The following TPST1 variants were observed in gnomAD, a reference collection of about 807,000 sequenced individuals.
TPST1 encodes the protein tyrosylprotein sulfotransferase 1, also known as protein-tyrosine sulfotransferase 1.
A neutral mutation model predicts 34.8 loss-of-function variants in TPST1; 20 were observed. That is an observed-to-expected ratio of 0.57 (90% CI 0.40 to 0.84). The LOEUF (loss-of-function observed/expected upper bound fraction) is 0.84, where lower values mean the gene tolerates loss of function less well. Among genes scored for constraint, TPST1 ranks in the 40% least tolerant of loss-of-function variants. The pLI is 0.00. For synonymous variants in TPST1, 152 were observed against 159.4 expected, an observed-to-expected ratio of 0.95 and a Z score of 0.35; for missense variants, 353 against 455.5, an observed-to-expected ratio of 0.78 and a Z score of 2.05.
At chr7:66,204,752 C>A (rs190018939), upstream of TPST1, among the ~76,000 whole-genome samples, 246 of 152,366 alleles carry the variant, frequency 1.6e-3, no homozygotes, top group African/African-American at 5.7e-3. Context: ...GTCAGCCCCC[C>A]ACCTCTGTGG....
At chr7:66,252,288 G>C (rs1178810024) in intron 2 of TPST1, among the ~76,000 whole-genome samples, 1 of 150,652 alleles carries the variant, frequency 6.6e-6, no homozygotes, top group African/African-American at 2.4e-5. Flanking sequence ...TCGATCTCCT[G>C]ACCTCGTGAT....
chr7:66,242,212 TTTG>T (rs577655568), intron 2 of TPST1, among the ~76,000 whole-genome samples: 146 of 152,224 alleles, frequency 9.6e-4, no homozygotes, highest in African/African-American at 3.3e-3. Context: ...AAATTTTATT[TTTG>T]TTTTTTTTCT....
the TPST1 span, among the ~76,000 whole-genome samples, chr7:66,199,528 C>T: frequency 6.6e-6 from 1 of 151,920 alleles, no homozygotes; most frequent in Non-Finnish European, 1.5e-5. Context: ...CTTCTGACCT[C>T]AAGTGATCTG....
intron 3 of TPST1, among the ~76,000 whole-genome samples, chr7:66,330,258 G>C (rs1177003686): frequency 6.6e-6 from 1 of 152,078 alleles, no homozygotes; most frequent in Non-Finnish European, 1.5e-5. Flanking sequence ...TAATCACCAG[G>C]GTCCTCATAA....
At chr7:66,358,938 T>C (rs1792635831) in intron 5 of TPST1, 1 of 152,270 alleles carries the variant, frequency 6.6e-6, no homozygotes. Context: ...GGCCAACCTG[T>C]GCTGAGGAGG....
chr7:66,283,990 T>C (rs1790982753), intron 2 of TPST1, among the ~76,000 whole-genome samples: 1 of 152,216 alleles, frequency 6.6e-6, no homozygotes, highest in Non-Finnish European at 1.5e-5. Flanking sequence ...ATATATAAAA[T>C]GTCATTTCTG....
intron 3 of TPST1, among the ~76,000 whole-genome samples, chr7:66,309,952 C>T (rs76297913): frequency 2.0e-3 from 305 of 151,970 alleles, no homozygotes; most frequent in African/African-American, 7.1e-3. Context: ...ACTTTTGTAC[C>T]ACCCTGAGAT....
intron 2 of TPST1, among the ~76,000 whole-genome samples, chr7:66,269,037 A>G (rs1790646835): frequency 6.6e-6 from 1 of 152,236 alleles, no homozygotes; most frequent in Non-Finnish European, 1.5e-5. Flanking sequence ...TACATTTGTA[A>G]TACATTTGAA....
intron 3 of TPST1, among the ~76,000 whole-genome samples, chr7:66,323,363 G>A (rs1364603187): frequency 3.3e-5 from 5 of 150,630 alleles, no homozygotes; most frequent in Admixed American, 6.6e-5. Context: ...TTAAATAAAC[G>A]TCCTTTATCA....
intron 3 of TPST1, among the ~76,000 whole-genome samples, chr7:66,349,960 G>A (rs1342689124): frequency 6.6e-6 from 1 of 152,186 alleles, no homozygotes; most frequent in African/African-American, 2.4e-5. Context: ...CCAGGGCTTA[G>A]ACACTTCCCA....
Position 66,352,976 on chromosome 7 carries a change from TTATA to T in TPST1, c.1095+426_1095+429del, listed in dbSNP as rs536773447. On this transcript the variant is annotated intron_variant, in intron 4 of 5. Coordinates refer to ENST00000304842, the MANE Select transcript of TPST1 (RefSeq NM_003596.4). The stretch of plus-strand genomic sequence containing the variant: ...TTTTCTCATTTGGAGCCCAGATGAC[TTATA>T]TATACACATAGTCACTGGCCCCTGG... 4.8e-4 allele frequency: 473 copies of T among 985,366 alleles called. 3 individuals are homozygous for T. The African/African-American group carries it at 7.9e-3, about 17-fold the overall frequency. The allele number at this position is 985,366 out of a possible 1,614,324, so 61.0% of individuals were successfully genotyped here.
At chr7:66,324,211 A>G (rs1791815376) in intron 3 of TPST1, among the ~76,000 whole-genome samples, 1 of 152,204 alleles carries the variant, frequency 6.6e-6, no homozygotes, top group Admixed American at 6.5e-5. Flanking sequence ...CAATTCATAG[A>G]GATAGAAAGT....
At chr7:66,349,320 C>T (rs921241415) in intron 3 of TPST1, among the ~76,000 whole-genome samples, 3 of 152,214 alleles carry the variant, frequency 2.0e-5, no homozygotes, top group African/African-American at 7.2e-5. Flanking sequence ...ACCTGTAATG[C>T]AGCACTTTGG....
chr7:66,271,500 T>A (rs1158468611), intron 2 of TPST1, among the ~76,000 whole-genome samples: 2 of 152,166 alleles, frequency 1.3e-5, no homozygotes, highest in Admixed American at 1.3e-4. Context: ...TCAGTGCAAG[T>A]TGGTACCCTT....
At chr7:66,298,632 C>A (rs1425500476) in intron 3 of TPST1, among the ~76,000 whole-genome samples, 2 of 152,170 alleles carry the variant, frequency 1.3e-5, no homozygotes, top group African/African-American at 4.8e-5. Flanking sequence ...AAACTACCAT[C>A]TTGCTATTTG....
At chr7:66,239,227 C>T (rs1413521449) in intron 1 of TPST1, among the ~76,000 whole-genome samples, 3 of 152,170 alleles carry the variant, frequency 2.0e-5, no homozygotes, top group Non-Finnish European at 4.4e-5. Context: ...ATGATCCTCC[C>T]ATCTCGGTCT....
At chr7:66,198,980 C>T in the TPST1 span, among the ~76,000 whole-genome samples, 1 of 152,192 alleles carries the variant, frequency 6.6e-6, no homozygotes, top group Non-Finnish European at 1.5e-5. Context: ...CATCTCATCC[C>T]AAATTAGCCA....
intron 3 of TPST1, among the ~76,000 whole-genome samples, chr7:66,335,313 G>A (rs1245580734): frequency 1.3e-5 from 2 of 152,014 alleles, no homozygotes; most frequent in African/African-American, 2.4e-5. Flanking sequence ...AAAGTTAGCT[G>A]CATGTGGTGG....
intron 3 of TPST1, among the ~76,000 whole-genome samples, chr7:66,292,757 T>G (rs1264848576): frequency 1.4e-5 from 2 of 146,168 alleles, no homozygotes; most frequent in African/African-American, 5.1e-5. Flanking sequence ...GCCCACTGTC[T>G]GGCACTCCCT....
Sources: allele counts gnomAD v4.1 joint callset (sites outside exome capture counted in the v4.1 genomes callset), GRCh38; gene constraint gnomAD v4.1.1; transcripts MANE v1.5; gene names NCBI Gene and HGNC (gene_info 2026-07-23, HGNC 2026-07-21).